Variants in TNFRSF21 observed in about 807,000 individuals in gnomAD.
TNFRSF21 encodes TNF receptor superfamily member 21.
TNFRSF21 carries 19 observed loss-of-function variants against 45.6 expected under a neutral mutation model. The ratio of observed to expected loss-of-function variants is 0.42; its 90% CI spans 0.29 to 0.61. The LOEUF is 0.61. Ranked by LOEUF, TNFRSF21 falls within the 20% of genes least tolerant of loss-of-function variation. TNFRSF21 has a pLI of 0.23. For missense variants in TNFRSF21, 737 were observed against 851.5 expected (o/e 0.87, Z 1.67); for synonymous variants, 314 against 335.5 (o/e 0.94, Z 0.70).
intron 3 of TNFRSF21, among the ~76,000 whole-genome samples, chr6:47,264,170 A>G (rs1665531164): frequency 6.6e-6 from 1 of 152,170 alleles, no homozygotes; most frequent in African/African-American, 2.4e-5. Flanking sequence ...GCTTTTCAAT[A>G]TCCCAAACAG....
chr6:47,285,934 G>A lies in TNFRSF21; in HGVS notation c.748+10C>T. 9 of 1,612,162 alleles carry A rather than the reference G, an allele frequency of 5.6e-6. No individual in the cohort carries two copies. Among genetic ancestry groups the A allele is most frequent in the Non-Finnish European group, 7.6e-6 (9 of 1,178,552 alleles). Reference sequence around the variant, plus strand: ...CTTCCTCAAATAAATAATTCATGAGGTTAAGTTACCTTTGGGAACATAAGT... The same window carrying A: ...CTTCCTCAAATAAATAATTCATGAGATTAAGTTACCTTTGGGAACATAAGT... On this transcript the variant is annotated intron_variant, in intron 2 of 5. Transcript: ENST00000296861.
At chr6:47,234,539 G>T in intron 5 of TNFRSF21, 131 bp downstream of exon 5, 1 of 755,838 alleles carries the variant, frequency 1.3e-6, no homozygotes, top group Non-Finnish European at 2.2e-6. Context: ...GTTTTGGACT[G>T]GTCTTCCTGG....
intron 4 of TNFRSF21, among the ~76,000 whole-genome samples, chr6:47,237,049 A>G (rs1321490152): frequency 6.6e-6 from 1 of 152,214 alleles, no homozygotes; most frequent in African/African-American, 2.4e-5. Context: ...AATTGGAAAG[A>G]CAGAATGCTG....
At chr6:47,298,346 G>A (rs1434499534) in intron 1 of TNFRSF21, among the ~76,000 whole-genome samples, 1 of 150,838 alleles carries the variant, frequency 6.6e-6, no homozygotes, top group Non-Finnish European at 1.5e-5. Context: ...TCAGGAGGCT[G>A]AGTGAGGTAG....
At chr6:47,297,713 G>C (rs1342316580) in intron 1 of TNFRSF21, among the ~76,000 whole-genome samples, 1 of 151,848 alleles carries the variant, frequency 6.6e-6, no homozygotes, top group Non-Finnish European at 1.5e-5. Context: ...AGTAGAGACG[G>C]GACTTCACCA....
In TNFRSF21 at chr6:47,274,971, T is replaced by C. The variant is rs999189178; in HGVS notation, c.1243+8967A>G. 1.0e-3 allele frequency among the ~76,000 whole-genome samples: 155 copies of C among 152,280 alleles called. 2 individuals are homozygous for C. Among genetic ancestry groups the C allele is most frequent in the Non-Finnish European group, 5.0e-4 (34 of 68,012 alleles). On this transcript the variant is annotated intron_variant, in intron 3 of 5. Coordinates refer to ENST00000296861, the MANE Select transcript of TNFRSF21 (RefSeq NM_014452.5). ...CTTACTCCAGTTAGAATGGCAATCATTAAAAAGTCAGGAAACAACAGATAC... is the reference window on the plus strand; with the variant it reads ...CTTACTCCAGTTAGAATGGCAATCACTAAAAAGTCAGGAAACAACAGATAC...
intron 1 of TNFRSF21, among the ~76,000 whole-genome samples, chr6:47,300,668 G>A (rs777629905): frequency 7.2e-5 from 11 of 152,072 alleles, no homozygotes; most frequent in East Asian, 1.9e-4. Flanking sequence ...AGCAACCACC[G>A]TAATCTTTCT....
rs182883143 is a variant in TNFRSF21, at chr6:47,274,122, T to C, written c.1243+9816A>G. ...GCTACCAATGATTTTCTTCACGGAA[T>C]TGGAAAAAACTACTTTAAAGTTCAT... On this transcript the variant is annotated intron_variant, in intron 3 of 5. Coordinates refer to ENST00000296861, the MANE Select transcript of TNFRSF21 (RefSeq NM_014452.5). Among the ~76,000 whole-genome samples the C allele has an allele frequency of 1.6e-4, 25 of 152,204 alleles. No homozygotes were observed. In the East Asian group the frequency reaches 3.9e-3, roughly 24 times the overall value.
intron 3 of TNFRSF21, among the ~76,000 whole-genome samples, chr6:47,254,115 C>A (rs976095327): frequency 6.6e-6 from 1 of 152,156 alleles, no homozygotes; most frequent in Non-Finnish European, 1.5e-5. Context: ...TCACTCCTCT[C>A]GAGCTTTGGG....
At chr6:47,276,756 T>C (rs991807295) in intron 3 of TNFRSF21, among the ~76,000 whole-genome samples, 5 of 152,328 alleles carry the variant, frequency 3.3e-5, no homozygotes, top group African/African-American at 9.6e-5. Context: ...ATGGTATAGA[T>C]AGCTTAGGGA....
intron 4 of TNFRSF21, among the ~76,000 whole-genome samples, chr6:47,249,029 A>G (rs1484619607): frequency 1.3e-5 from 2 of 152,176 alleles, no homozygotes; most frequent in East Asian, 1.9e-4. Context: ...CCCTAAAATG[A>G]CTATGTTGCC....
chr6:47,255,584 C>A (rs1394539588), intron 3 of TNFRSF21, among the ~76,000 whole-genome samples: 1 of 152,072 alleles, frequency 6.6e-6, no homozygotes, highest in Non-Finnish European at 1.5e-5. Context: ...GCCTCACCCT[C>A]CCAAGTAGCT....
intron 1 of TNFRSF21, among the ~76,000 whole-genome samples, chr6:47,307,669 T>TA (rs1762958847): frequency 1.3e-5 from 2 of 152,220 alleles, no homozygotes; most frequent in Non-Finnish European, 2.9e-5. Flanking sequence ...CCAGGGTGCC[T>TA]AGCCTGATGA....
At position 47,253,531 on chromosome 6, in the gene TNFRSF21, A is replaced by G. The variant is rs762784940; in HGVS notation, c.1244-10T>C. 25 of 1,606,780 alleles carry G rather than the reference A, an allele frequency of 1.6e-5. No homozygotes were observed. In the Admixed American group the frequency reaches 4.2e-4, roughly 27 times the overall value. ...TTCAGGATATCGATACCTACACCAG[A>G]GAAAAAATAAAAAACAAATGAGGGC... On this transcript the variant is annotated splice_polypyrimidine_tract_variant and intron_variant, in intron 3 of 5. Transcript: ENST00000296861.
chr6:47,234,828 T>TTGGGGC lies in TNFRSF21; in HGVS notation c.1574_1579dup (p.Ser525_Pro526dup). 6.5e-7 allele frequency: 1 copy of TTGGGGC among 1,545,378 alleles called. No individual in the cohort carries two copies. The highest frequency in any genetic ancestry group is 8.7e-7 in the Non-Finnish European group (1 of 1,149,322). ...GAGAGCGGAATTCTCAAGTTTCGCG[T>TTGGGGC]TGGGGCTGGGGATGGGGCTCGGGCT... On this transcript the variant is annotated inframe_insertion, in exon 5 of 6. Transcript: ENST00000296861.
At chr6:47,301,893 T>C (rs1762868720) in intron 1 of TNFRSF21, among the ~76,000 whole-genome samples, 1 of 152,166 alleles carries the variant, frequency 6.6e-6, no homozygotes. Flanking sequence ...TTAACAAAAA[T>C]ATCCAGCTAA....
intron 1 of TNFRSF21, among the ~76,000 whole-genome samples, chr6:47,307,390 G>A (rs1762955133): frequency 6.6e-6 from 1 of 151,980 alleles, no homozygotes; most frequent in African/African-American, 2.4e-5. Context: ...TTTTTATTTT[G>A]GTTTTGGAGA....
chr6:47,299,883 C>T (rs1214616866), intron 1 of TNFRSF21, among the ~76,000 whole-genome samples: 1 of 152,210 alleles, frequency 6.6e-6, no homozygotes, highest in African/African-American at 2.4e-5. Context: ...AAATTCAGTT[C>T]TTCTGGACTA....
intron 1 of TNFRSF21, among the ~76,000 whole-genome samples, chr6:47,305,577 A>G (rs1196904594): frequency 6.6e-6 from 1 of 152,182 alleles, no homozygotes; most frequent in Non-Finnish European, 1.5e-5. Context: ...CCAAACAGCC[A>G]AAGTGAATTG....
Sources: gnomAD v4.1 joint callset for allele counts (sites outside exome capture counted in the v4.1 genomes callset) on GRCh38, gnomAD v4.1.1 for gene constraint, MANE v1.5 for transcripts, NCBI Gene and HGNC (gene_info 2026-07-23, HGNC 2026-07-21) for gene names.